The following UPRT variants were observed in gnomAD, a reference collection of about 807,000 sequenced individuals.
The protein encoded by UPRT is RP11-311P8.3.
Under a neutral mutation model 22.6 loss-of-function variants are expected in UPRT, and 5 were observed. The observed-to-expected ratio is 0.22, with a 90% CI of 0.12 to 0.47. The LOEUF (loss-of-function observed/expected upper bound fraction) is 0.47. Among genes scored for constraint, UPRT ranks in the 20% least tolerant of loss-of-function variants. UPRT has a pLI of 0.99. For synonymous variants in UPRT, 77 were observed against 87.7 expected (o/e 0.88, Z 0.68); for missense variants, 181 against 239.9 (o/e 0.75, Z 1.62).
intron 4 of UPRT, among the ~76,000 whole-genome samples, chrX:75,228,290 G>T (rs927134365): frequency 6.3e-5 from 7 of 111,768 alleles, no homozygotes; most frequent in Non-Finnish European, 1.1e-4. Flanking sequence ...CTGAAGAAAA[G>T]GATGCATAAT....
intron 4 of UPRT, among the ~76,000 whole-genome samples, chrX:75,233,000 G>A (rs1260306495): frequency 2.7e-5 from 3 of 111,751 alleles, no homozygotes; most frequent in Admixed American, 9.5e-5. Flanking sequence ...GCTACGGGAG[G>A]ACATTCAAAC....
chrX:75,259,409 A>G (rs998222743), intron 4 of UPRT, among the ~76,000 whole-genome samples: 20 of 109,169 alleles, frequency 1.8e-4, no homozygotes, highest in Non-Finnish European at 2.7e-4. Flanking sequence ...TTTAGAGATG[A>G]ACAGAAATGA....
At position 75,274,369 on chromosome X, in the gene UPRT, G is replaced by T; in HGVS notation, c.115G>T (p.Ala39Ser). The T allele has an allele frequency of 1.7e-6, 2 of 1,211,515 alleles. No homozygotes were observed. Among genetic ancestry groups the T allele is most frequent in the Non-Finnish European group, 2.2e-6 (2 of 895,427 alleles). Residue 39 changes from alanine (A) to serine (S), a missense_variant, in exon 1 of 7, where the codon GCA (alanine) becomes TCA (serine). By Grantham distance (99) the Ala-to-Ser change is moderately conservative. This residue lies in a region of UPRT where 111 missense variants were observed against 102.8 expected (regional missense o/e 1.08). Coordinates refer to ENST00000373383, the MANE Select transcript of UPRT (RefSeq NM_145052.4). The part of the protein sequence containing the change: ...LRPGDLILDH[A>S]GGNRASRAKV... ...ACCTGGCGATCTGATCCTGGACCAC[G>T]CAGGGGGAAACAGAGCCTCCAGGGC...
At chrX:75,181,365 T>A (rs1602441263) in intron 4 of UPRT, among the ~76,000 whole-genome samples, 2 of 111,845 alleles carry the variant, frequency 1.8e-5, no homozygotes, top group Admixed American at 9.5e-5. Context: ...TTTAAAATAG[T>A]TTTTTTCTAA....
At chrX:75,246,986 C>A (rs1414232939) in intron 4 of UPRT, among the ~76,000 whole-genome samples, 1 of 111,911 alleles carries the variant, frequency 8.9e-6, no homozygotes, top group Non-Finnish European at 1.9e-5. Context: ...GAGGAAGAAA[C>A]TTGTCAAATG....
intron 4 of UPRT, among the ~76,000 whole-genome samples, chrX:75,189,480 T>C (rs2082307307): frequency 8.9e-6 from 1 of 112,229 alleles, no homozygotes; most frequent in African/African-American, 3.2e-5. Flanking sequence ...TGGAGAGTTC[T>C]GTAGATGTTT....
At chrX:75,186,308 C>T (rs1340567990) in intron 4 of UPRT, among the ~76,000 whole-genome samples, 1 of 111,733 alleles carries the variant, frequency 8.9e-6, no homozygotes, top group Admixed American at 9.5e-5. Context: ...GCAGGTTGTT[C>T]AGTTTCCATG....
chrX:75,222,819 G>A (rs965072734), intron 4 of UPRT, among the ~76,000 whole-genome samples: 3 of 110,436 alleles, frequency 2.7e-5, no homozygotes, highest in African/African-American at 9.9e-5. Context: ...AGCCCACTTG[G>A]TGTTCTTTCC....
intron 4 of UPRT, among the ~76,000 whole-genome samples, chrX:75,264,987 T>G (rs1229692062): frequency 2.7e-5 from 3 of 112,057 alleles, no homozygotes; most frequent in African/African-American, 9.7e-5. Context: ...TTCTTTTCTT[T>G]AAGAATGTTG....
intron 4 of UPRT, among the ~76,000 whole-genome samples, chrX:75,223,576 G>A (rs1044512698): frequency 9.0e-6 from 1 of 111,430 alleles, no homozygotes; most frequent in Non-Finnish European, 1.9e-5. Flanking sequence ...CTCTCTCTGT[G>A]GGCATCAGCT....
chrX:75,264,391 A>G (rs866806484), intron 4 of UPRT, among the ~76,000 whole-genome samples: 4 of 111,623 alleles, frequency 3.6e-5, no homozygotes, highest in Admixed American at 9.6e-5. Context: ...GACTTGCTCT[A>G]TGAATCTGGG....
chrX:75,297,173 G>A (rs766155260), intron 3 of UPRT, among the ~76,000 whole-genome samples: 1 of 111,906 alleles, frequency 8.9e-6, no homozygotes, highest in South Asian at 3.7e-4. Context: ...GGGGTATATA[G>A]CATTCTCAGA....
At chrX:75,279,652 AT>A in intron 1 of UPRT, among the ~76,000 whole-genome samples, 1 of 110,539 alleles carries the variant, frequency 9.0e-6, no homozygotes, top group African/African-American at 3.3e-5. Context: ...TCACTTATTT[AT>A]TTTTTTCCAT....
rs759537410 is a variant in UPRT, at chrX:75,275,182, A to G, written c.386+542A>G. ...GGTTTACTTGATCACATGAAAGCTT[A>G]TCGTCCAACTCTTATCATTTTTCAC... On this transcript the variant is annotated intron_variant, in intron 1 of 6. Transcript: ENST00000373383. Among the ~76,000 whole-genome samples the G allele has an allele frequency of 1.3e-4, 14 of 111,881 alleles. No homozygotes were observed. The East Asian group carries it at 3.1e-3, about 25-fold the overall frequency.
At chrX:75,264,771 T>C (rs185104082) in intron 4 of UPRT, among the ~76,000 whole-genome samples, 83 of 111,915 alleles carry the variant, frequency 7.4e-4, no homozygotes, top group Non-Finnish European at 5.3e-4. Flanking sequence ...GTTGATGCAG[T>C]TTCTTCCCAG....
intron 1 of UPRT, among the ~76,000 whole-genome samples, chrX:75,288,352 T>A (rs1444313249): frequency 9.0e-6 from 1 of 111,629 alleles, no homozygotes; most frequent in Non-Finnish European, 1.9e-5. Flanking sequence ...AGCATCACCC[T>A]GATAACAAAA....
intron 4 of UPRT, among the ~76,000 whole-genome samples, chrX:75,225,791 A>G (rs1156811101): frequency 1.8e-5 from 2 of 111,406 alleles, no homozygotes; most frequent in Non-Finnish European, 3.8e-5. Flanking sequence ...ATTTTTCTGT[A>G]TATCCACTCT....
At chrX:75,245,234 T>A (rs1004319995) in intron 4 of UPRT, among the ~76,000 whole-genome samples, 1 of 105,361 alleles carries the variant, frequency 9.5e-6, no homozygotes, top group African/African-American at 3.5e-5. Flanking sequence ...GGATACCATG[T>A]CACACTAGTC....
chrX:75,272,661 A>G (rs187692847), upstream of UPRT, among the ~76,000 whole-genome samples: 36 of 108,920 alleles, frequency 3.3e-4, no homozygotes, highest in East Asian at 5.2e-3. Flanking sequence ...TGGATGCACC[A>G]AAATCTCTCA....
Sources: gnomAD v4.1 joint callset for allele counts (sites outside exome capture counted in the v4.1 genomes callset) on GRCh38, gnomAD v4.1.1 for gene constraint, gnomAD v4.1.1 regional missense constraint, MANE v1.5 for transcripts, NCBI Gene and HGNC (gene_info 2026-07-23, HGNC 2026-07-21) for gene names.